KCNH1: variants seen among roughly 807,000 people sequenced by gnomAD.
The protein encoded by KCNH1 is potassium voltage-gated channel subfamily H member 1, also known as voltage-gated delayed rectifier potassium channel KCNH1.
In KCNH1, 27 loss-of-function variants were observed where a neutral mutation model predicts 69.2. The observed-to-expected ratio is 0.39, with a 90% CI of 0.29 to 0.54. The LOEUF (loss-of-function observed/expected upper bound fraction) is 0.54, where lower values mean the gene tolerates loss of function less well. Among genes scored for constraint, KCNH1 ranks in the 20% least tolerant of loss-of-function variants. The probability of loss-of-function intolerance (pLI) is 0.68; values close to 1 mark genes in which losing one functional copy is unlikely to be tolerated. For missense variants in KCNH1, 798 were observed against 1,261.6 expected, an observed-to-expected ratio of 0.63 and a Z score of 5.57; for synonymous variants, 456 against 487.7, an observed-to-expected ratio of 0.93 and a Z score of 0.86.
At chr1:211,090,452 T>C (rs923465935) in intron 4 of KCNH1, 110 bp downstream of exon 4, 116 of 914,316 alleles carry the variant, frequency 1.3e-4, no homozygotes, top group Non-Finnish European at 1.8e-4. Flanking sequence ...AAAGTTAGAA[T>C]CTTGAGGTTT....
chr1:210,722,266 GGT>G, intron 10 of KCNH1, among the ~76,000 whole-genome samples: 1 of 152,216 alleles, frequency 6.6e-6, no homozygotes, highest in East Asian at 1.9e-4. Context: ...AGAAGGGAAA[GGT>G]ATTTCGTAAA....
At chr1:211,095,409 G>A (rs536663896) in intron 3 of KCNH1, among the ~76,000 whole-genome samples, 1 of 152,308 alleles carries the variant, frequency 6.6e-6, no homozygotes, top group Non-Finnish European at 1.5e-5. Context: ...TGTCCAATGG[G>A]AGGGCAGTTC....
chr1:210,930,758 G>A (rs970180010), intron 6 of KCNH1, among the ~76,000 whole-genome samples: 1 of 152,174 alleles, frequency 6.6e-6, no homozygotes, highest in Non-Finnish European at 1.5e-5. Flanking sequence ...AACCCACAGA[G>A]TGGGAGAAAA....
intron 6 of KCNH1, among the ~76,000 whole-genome samples, chr1:210,979,257 C>T (rs956505677): frequency 3.3e-5 from 5 of 152,114 alleles, no homozygotes; most frequent in South Asian, 2.1e-4. Flanking sequence ...GAAAAAACAT[C>T]GGAAACTCCC....
intron 5 of KCNH1, among the ~76,000 whole-genome samples, chr1:211,044,385 C>T (rs973775821): frequency 1.3e-5 from 2 of 151,968 alleles, no homozygotes; most frequent in South Asian, 4.2e-4. Flanking sequence ...AAAAAGCAAA[C>T]GCAATAAAAA....
intron 7 of KCNH1, among the ~76,000 whole-genome samples, chr1:210,823,086 T>C (rs1684962079): frequency 6.6e-6 from 1 of 152,192 alleles, no homozygotes; most frequent in African/African-American, 2.4e-5. Flanking sequence ...CTGTGTGAGC[T>C]GCTCCTGGAT....
chr1:210,894,799 T>C (rs1044208100), intron 7 of KCNH1, among the ~76,000 whole-genome samples: 2 of 152,198 alleles, frequency 1.3e-5, no homozygotes, highest in African/African-American at 4.8e-5. Context: ...GCCAGCACCA[T>C]GCTCTTGGGC....
At chr1:211,008,648 G>A (rs1019670783) in intron 6 of KCNH1, among the ~76,000 whole-genome samples, 7 of 152,246 alleles carry the variant, frequency 4.6e-5, no homozygotes, top group Admixed American at 4.6e-4. Context: ...CAGAATAATG[G>A]TTATTTCAGT....
At chr1:210,999,405 A>G (rs1354543469) in intron 6 of KCNH1, among the ~76,000 whole-genome samples, 1 of 152,246 alleles carries the variant, frequency 6.6e-6, no homozygotes, top group Non-Finnish European at 1.5e-5. Context: ...AATAAACTAG[A>G]AAATTTAGAA....
At chr1:211,123,493 G>C (rs190194768) in intron 1 of KCNH1, among the ~76,000 whole-genome samples, 1 of 152,264 alleles carries the variant, frequency 6.6e-6, no homozygotes, top group Admixed American at 6.5e-5. Flanking sequence ...GATAGGTGGA[G>C]GCAGAGACAG....
intron 10 of KCNH1, among the ~76,000 whole-genome samples, chr1:210,720,997 G>T (rs2149026511): frequency 6.6e-6 from 1 of 152,134 alleles, no homozygotes; most frequent in Non-Finnish European, 1.5e-5. Context: ...ACTTCCTCTG[G>T]GGCTTTGGAG....
chr1:211,013,803 A>G (rs892988513), intron 6 of KCNH1, among the ~76,000 whole-genome samples: 77 of 151,810 alleles, frequency 5.1e-4, no homozygotes, highest in African/African-American at 1.8e-3. Context: ...GCTGGGTGAC[A>G]AAGTCCCTCT....
Position 211,070,319 on chromosome 1 carries a change from G to A in KCNH1, c.558+12461C>T, listed in dbSNP as rs905549449. On this transcript the variant is annotated intron_variant, in intron 5 of 10. Transcript: ENST00000271751. Reference sequence around the variant, plus strand: ...TGTAGTCCCAGCTACTCGGGAGGCTGAGGCAGGAGAATGGCGTGAGCCCGG... The same window carrying A: ...TGTAGTCCCAGCTACTCGGGAGGCTAAGGCAGGAGAATGGCGTGAGCCCGG... 7.9e-5 allele frequency among the ~76,000 whole-genome samples: 12 copies of A among 152,044 alleles called. No homozygotes were observed. The East Asian group carries it at 2.1e-3, about 27-fold the overall frequency.
At chr1:210,982,603 CA>C (rs1289466082) in intron 6 of KCNH1, among the ~76,000 whole-genome samples, 2 of 152,046 alleles carry the variant, frequency 1.3e-5, no homozygotes, top group South Asian at 2.1e-4. Context: ...ATGAACTCAT[CA>C]CTTTTTATGG....
At chr1:210,790,497 C>G (rs1305598395) in intron 9 of KCNH1, among the ~76,000 whole-genome samples, 1 of 152,174 alleles carries the variant, frequency 6.6e-6, no homozygotes, top group African/African-American at 2.4e-5. Flanking sequence ...CCTTTCCCTC[C>G]CAACTACAGT....
chr1:210,703,914 C>T (rs1229247605), intron 10 of KCNH1, among the ~76,000 whole-genome samples: 1 of 152,178 alleles, frequency 6.6e-6, no homozygotes, highest in African/African-American at 2.4e-5. Context: ...ATTCAGGCAC[C>T]AGCAAGGGGA....
At chr1:210,982,264 C>T (rs1211435519) in intron 6 of KCNH1, among the ~76,000 whole-genome samples, 1 of 151,404 alleles carries the variant, frequency 6.6e-6, no homozygotes, top group East Asian at 1.9e-4. Flanking sequence ...TTTTAGGGTA[C>T]ATAAGTTAGG....
intron 7 of KCNH1, among the ~76,000 whole-genome samples, chr1:210,879,390 TA>T (rs1211389055): frequency 2.0e-5 from 3 of 151,800 alleles, no homozygotes; most frequent in African/African-American, 7.3e-5. Context: ...CAACAATGAA[TA>T]AAAATAATTA....
chr1:210,836,393 C>G (rs1053707337), intron 7 of KCNH1, among the ~76,000 whole-genome samples: 3 of 152,252 alleles, frequency 2.0e-5, no homozygotes, highest in Admixed American at 1.3e-4. Context: ...AATCATTAAG[C>G]CTGCCAGGAA....
Sources: gnomAD v4.1 joint callset for allele counts (sites outside exome capture counted in the v4.1 genomes callset) on GRCh38, gnomAD v4.1.1 for gene constraint, MANE v1.5 for transcripts, NCBI Gene and HGNC (gene_info 2026-07-23, HGNC 2026-07-21) for gene names.